MYO15A: variants seen among roughly 807,000 people sequenced by gnomAD.
MYO15A encodes myosin XVA, also known as unconventional myosin-XV.
In MYO15A, 308 loss-of-function variants were observed where a neutral mutation model predicts 394.6. The ratio of observed to expected loss-of-function variants is 0.78; its 90% CI spans 0.71 to 0.86. The LOEUF is 0.86. MYO15A is among the 40% of genes least tolerant of loss of function. MYO15A has a pLI of 0.00. For missense variants in MYO15A, 4,606 were observed against 4,799.1 expected (o/e 0.96, Z 1.19); for synonymous variants, 1,957 against 2,003.8 (o/e 0.98, Z 0.62).
chr17:18,167,134 C>T (rs949274707), intron 61 of MYO15A, among the ~76,000 whole-genome samples: 1 of 152,210 alleles, frequency 6.6e-6, no homozygotes, highest in African/African-American at 2.4e-5. Context: ...AGTCCAGCAC[C>T]ATGCTACTCA....
intron 51 of MYO15A, 38 bp downstream of exon 51, chr17:18,157,938 A>G: frequency 9.3e-7 from 1 of 1,076,860 alleles, no homozygotes; most frequent in Non-Finnish European, 1.2e-6. Flanking sequence ...GGGGTAGACC[A>G]GGGGGAAGGG....
intron 56 of MYO15A, 33 bp from the exon 57 acceptor site, chr17:18,161,284 C>T: frequency 6.2e-7 from 1 of 1,611,098 alleles, no homozygotes; most frequent in Non-Finnish European, 8.5e-7. Context: ...GTGCTGTGGC[C>T]ACCTCTGCTG....
rs1042951985 is a variant in MYO15A at position 18,158,697 on chromosome 17, A to G, written c.9083+59A>G. ...GGAGGGTGCTGGGCTTCTTGCTGCC[A>G]TCCAAACTGCAGGCTGTCAGTCTCG... On this transcript the variant is annotated intron_variant, in intron 52 of 65. Transcript: ENST00000647165. 15 of 1,579,458 alleles carry G rather than the reference A, an allele frequency of 9.5e-6. No individual in the cohort carries two copies. The African/African-American group carries it at 1.2e-4, about 13-fold the overall frequency.
rs1464077220 is a variant in MYO15A, at chr17:18,118,377, A to G, written c.-219-205A>G. The stretch of plus-strand genomic sequence containing the variant: ...GGTGGCATTCCATCTCTGTGGCTCA[A>G]TGTCTTCCTCTGTGAAGCCGAAGTG... On this transcript the variant is annotated intron_variant, in intron 1 of 65. Coordinates refer to ENST00000647165, the MANE Select transcript of MYO15A (RefSeq NM_016239.4). Among the ~76,000 whole-genome samples the G allele has an allele frequency of 2.0e-5, 3 of 152,168 alleles. No individual in the cohort carries two copies. The East Asian group carries it at 5.8e-4, about 29-fold the overall frequency.
chr17:18,158,428 G>C, intron 51 of MYO15A, 95 bp from the exon 52 acceptor site: 1 of 1,101,326 alleles, frequency 9.1e-7, no homozygotes, highest in Non-Finnish European at 1.4e-6. Context: ...TGAGAATCTG[G>C]GTCCAGTCAG....
At chr17:18,168,252 A>T (rs1232806524) in intron 62 of MYO15A, among the ~76,000 whole-genome samples, 1 of 151,960 alleles carries the variant, frequency 6.6e-6, no homozygotes, top group African/African-American at 2.4e-5. Flanking sequence ...ACCAGGCTGA[A>T]TTTTTTTATT....
rs202180744 is a variant in MYO15A at position 18,133,311 on chromosome 17, T to C, written c.4407T>C (p.Ser1469=). 46 of 1,614,198 alleles carry C rather than the reference T, an allele frequency of 2.8e-5. No homozygotes were observed. The African/African-American group carries it at 5.3e-4, about 19-fold the overall frequency. ...LAAMEVLGFS[S]EDQDSIFRIL... The stretch of plus-strand genomic sequence containing the variant: ...CCATGGAGGTGTTGGGCTTCAGCAG[T>C]GAGGACCAGGACAGCATCTTCCGCA... The change falls in exon 12 of 66, where the codon AGT becomes AGC. Residue 1469 remains serine (S), a synonymous_variant. Coordinates refer to ENST00000647165, the MANE Select transcript of MYO15A (RefSeq NM_016239.4).
At chr17:18,176,541 C>CTTTTTTTTTTTTTTTTTTTTTTTTT (rs35105114) in intron 65 of MYO15A, 1 of 93,462 alleles carries the variant, frequency 1.1e-5, no homozygotes, top group Admixed American at 1.2e-4. Context: ...TTTTACTTTT[C>CTTTTTTTTTTTTTTTTTTTTTTTTT]TTTTTTTTTT....
In MYO15A at chr17:18,155,322, G is replaced by A. The variant is rs1191875974; in HGVS notation, c.8349G>A (p.Val2783=). 6.2e-7 allele frequency: 1 copy of A among 1,613,796 alleles called. No individual in the cohort carries two copies. Among genetic ancestry groups the A allele is most frequent in the South Asian group, 1.1e-5 (1 of 91,082 alleles). ...FSRIFPATGS[V]GTGVQLLAVS... is the part of the protein sequence containing the mutation. ...CTTCATCTCTGCCCCAGGGCAGCGT[G>A]GGCACTGGTGTGCAGCTCCTAGCTG... The change falls in exon 47 of 66, where the codon GTG becomes GTA. Residue 2783 remains valine, a synonymous_variant. Transcript: ENST00000647165.
In MYO15A at chr17:18,148,108, C is replaced by T. The variant is rs779445819; in HGVS notation, c.6589C>T (p.Gln2197Ter). 7 of 1,613,952 alleles carry T rather than the reference C, an allele frequency of 4.3e-6. No individual in the cohort carries two copies. The South Asian group carries it at 5.5e-5, about 13-fold the overall frequency. ...RLMQAMGRAQ[Q>*]QGSGAARTLP... ...CATGCAGGCCATGGGCCGGGCCCAACAGCAGGGCTCGGGGGCTGCCCGCAC... is the reference window on the plus strand; with the variant it reads ...CATGCAGGCCATGGGCCGGGCCCAATAGCAGGGCTCGGGGGCTGCCCGCAC... Residue 2197 changes from glutamine to a stop codon, truncating the protein, a stop_gained, in exon 31 of 66, where the codon CAG becomes TAG. Transcript: ENST00000647165. LOFTEE classifies it high-confidence loss of function. The surrounding 1 kb of genome is among the most constrained non-coding windows in gnomAD (Gnocchi z 4.8).
intron 28 of MYO15A, among the ~76,000 whole-genome samples, 192 bp downstream of exon 28, chr17:18,144,192 C>T (rs557484582): frequency 3.9e-5 from 6 of 152,298 alleles, no homozygotes; most frequent in African/African-American, 9.6e-5. Flanking sequence ...CTCAGGGGCT[C>T]GGGCAGGGCT....
At chr17:18,158,260 G>C in intron 51 of MYO15A, 1 of 592,896 alleles carries the variant, frequency 1.7e-6, no homozygotes, top group Non-Finnish European at 3.0e-6. Context: ...GGCGGGGTCA[G>C]CTGTGACGTG....
Position 18,119,751 on chromosome 17 carries a change from G to T in MYO15A, c.951G>T (p.Ala317=), listed in dbSNP as rs778419557. The T allele has an allele frequency of 6.2e-7, 1 of 1,612,700 alleles. No homozygotes were observed. The highest frequency in any genetic ancestry group is 8.5e-7 in the Non-Finnish European group (1 of 1,179,964). The change falls in exon 2 of 66, where the codon GCG becomes GCT. Residue 317 remains alanine (A), a synonymous_variant. Coordinates refer to ENST00000647165, the MANE Select transcript of MYO15A (RefSeq NM_016239.4). ...YGYDDYEPPY[A]PPSGYSSPYS... is the part of the protein sequence containing the mutation. ...ACGACGATTACGAACCCCCATATGCGCCCCCGTCGGGGTACTCGTCTCCTT... is the reference window on the plus strand; with the variant it reads ...ACGACGATTACGAACCCCCATATGCTCCCCCGTCGGGGTACTCGTCTCCTT...
At position 18,119,017 on chromosome 17, in the gene MYO15A, A is replaced by C. The variant is rs1376870182; in HGVS notation, c.217A>C (p.Lys73Gln). The C allele has an allele frequency of 6.2e-7, 1 of 1,612,578 alleles. No homozygotes were observed. The highest frequency in any genetic ancestry group is 1.3e-5 in the African/African-American group (1 of 74,906). Residue 73 changes from lysine to glutamine, a missense_variant, in exon 2 of 66, where the codon AAG becomes CAG. Lys to Gln is a moderately conservative substitution (Grantham distance 53). Around this residue, in one of 2 missense-constraint regions of MYO15A, gnomAD observed 1,830 missense variants for 1,689.7 expected, o/e 1.08. Transcript: ENST00000647165. ...LHTGPQKTKRKRKARTVLKST... is the reference protein window; with the variant it reads ...LHTGPQKTKRQRKARTVLKST... ...CACCGGCCCCCAGAAGACCAAGCGC[A>C]AGAGGAAGGCCCGCACCGTGCTCAA...
intron 1 of MYO15A, among the ~76,000 whole-genome samples, chr17:18,114,480 G>C (rs2045761345): frequency 6.6e-6 from 1 of 152,008 alleles, no homozygotes; most frequent in Admixed American, 6.5e-5. Flanking sequence ...TCGAACTCTT[G>C]ACCACATATG....
intron 12 of MYO15A, 92 bp downstream of exon 12, chr17:18,133,478 C>T: frequency 1.3e-6 from 2 of 1,502,006 alleles, no homozygotes; most frequent in Non-Finnish European, 1.8e-6. Flanking sequence ...TCAGATTACA[C>T]TATGCACATA....
At position 18,121,138 on chromosome 17, in the gene MYO15A, C is replaced by T; in HGVS notation, c.2338C>T (p.Leu780=). 1 of 1,510,198 alleles carries T rather than the reference C, an allele frequency of 6.6e-7. No individual in the cohort carries two copies. The highest frequency in any genetic ancestry group is 1.2e-5 in the South Asian group (1 of 81,628). 93.5% of individuals were successfully genotyped at this position (1,510,198 alleles called of 1,614,324 possible). A position where few individuals can be genotyped will look rare whatever the true frequency, so the allele number is the denominator to read the frequency against. The change falls in exon 2 of 66, where the codon CTG becomes TTG. Residue 780 remains leucine (L), a synonymous_variant. Coordinates refer to ENST00000647165, the MANE Select transcript of MYO15A (RefSeq NM_016239.4). This position sits in a 1 kb window ranked among gnomAD's most constrained non-coding sequence, Gnocchi z 5.3. The part of the protein sequence containing the change: ...WSPLASPQPS[L]RSSPGLGYCS... Reference sequence around the variant, plus strand: ...ACCGCTGGCCTCGCCCCAGCCCTCGCTGAGGAGCTCGCCGGGCCTCGGCTA... The same window carrying T: ...ACCGCTGGCCTCGCCCCAGCCCTCGTTGAGGAGCTCGCCGGGCCTCGGCTA...
In MYO15A at chr17:18,151,151, C is replaced by A; in HGVS notation, c.7515C>A (p.Thr2505=). Residue 2505 remains threonine, a synonymous_variant, in exon 39 of 66, where the codon ACC becomes ACA. Transcript: ENST00000647165. ...AGGCACAGCCGACGTCTGTAGGCACCGGTCCCCCTGCCAAACCCGTGCTCC... is the reference window on the plus strand; with the variant it reads ...AGGCACAGCCGACGTCTGTAGGCACAGGTCCCCCTGCCAAACCCGTGCTCC... ...APEAQPTSVG[T]GPPAKPVLLR... is the part of the protein sequence containing the mutation. The A allele has an allele frequency of 1.2e-6, 2 of 1,613,982 alleles. No homozygotes were observed. The highest frequency in any genetic ancestry group is 1.1e-5 in the South Asian group (1 of 91,086).
chr17:18,140,946 A>C (rs952761801), intron 21 of MYO15A, 73 bp from the exon 22 acceptor site: 3 of 1,612,838 alleles, frequency 1.9e-6, no homozygotes, highest in Non-Finnish European at 2.5e-6. Context: ...AGCACTGGGA[A>C]TATTCACCAT....
Sources: allele counts gnomAD v4.1 joint callset (sites outside exome capture counted in the v4.1 genomes callset), GRCh38; gene constraint gnomAD v4.1.1; regional missense constraint gnomAD v4.1.1; non-coding constraint Gnocchi (gnomAD v3.1); transcripts MANE v1.5; gene names NCBI Gene and HGNC (gene_info 2026-07-23, HGNC 2026-07-21).